The following FAM13A variants were observed in gnomAD, a reference collection of about 807,000 sequenced individuals.
The protein encoded by FAM13A is family with sequence similarity 13 member A.
In FAM13A, 76 loss-of-function variants were observed where a neutral mutation model predicts 129.6. The observed-to-expected ratio is 0.59, with a 90% CI of 0.49 to 0.71. The LOEUF (loss-of-function observed/expected upper bound fraction) is 0.71. Among genes scored for constraint, FAM13A ranks in the 30% least tolerant of loss-of-function variants. The pLI, the probability that FAM13A is intolerant of heterozygous loss-of-function variation, is 0.00. For synonymous variants in FAM13A, 443 were observed against 449.9 expected, an observed-to-expected ratio of 0.98 and a Z score of 0.20; for missense variants, 1,108 against 1,249.3, an observed-to-expected ratio of 0.89 and a Z score of 1.70.
At chr4:88,826,621 A>G (rs1171720478) in intron 7 of FAM13A, among the ~76,000 whole-genome samples, 1 of 152,098 alleles carries the variant, frequency 6.6e-6, no homozygotes, top group Non-Finnish European at 1.5e-5. Flanking sequence ...TCTCTCACTC[A>G]CTAATTATTT....
chr4:88,766,172 G>A (rs1294889017), intron 13 of FAM13A, among the ~76,000 whole-genome samples: 4 of 152,226 alleles, frequency 2.6e-5, no homozygotes, highest in African/African-American at 7.2e-5. Context: ...GACTGGCAAA[G>A]CGATTTTCTT....
chr4:89,049,683 G>A (rs534381499), intron 1 of FAM13A, among the ~76,000 whole-genome samples: 27 of 152,208 alleles, frequency 1.8e-4, no homozygotes, highest in African/African-American at 6.3e-4. Flanking sequence ...TTGAGATGGA[G>A]TCTTGCACTG....
chr4:88,801,276 C>A (rs4693969), intron 8 of FAM13A, among the ~76,000 whole-genome samples: 8 of 152,178 alleles, frequency 5.3e-5, no homozygotes, highest in Admixed American at 2.0e-4. Flanking sequence ...CTGAGAAAAT[C>A]GATAGTTCCC....
At chr4:88,777,934 T>C (rs1046256272) in intron 11 of FAM13A, among the ~76,000 whole-genome samples, 6 of 152,342 alleles carry the variant, frequency 3.9e-5, no homozygotes, top group East Asian at 1.9e-4. Context: ...CCTTGGTTAC[T>C]TGGCTTCTAA....
chr4:88,881,563 C>A (rs530557359), intron 6 of FAM13A, among the ~76,000 whole-genome samples: 6 of 152,070 alleles, frequency 3.9e-5, no homozygotes, highest in Non-Finnish European at 8.8e-5. Context: ...TATAACAACA[C>A]GAGGTTCTTT....
intron 7 of FAM13A, among the ~76,000 whole-genome samples, chr4:88,806,232 T>C (rs771895503): frequency 5.3e-5 from 8 of 152,146 alleles, no homozygotes; most frequent in Admixed American, 1.3e-4. Context: ...AGATAAAGTA[T>C]TAAATAAAAT....
chr4:88,866,405 C>T (rs893570983), intron 6 of FAM13A, among the ~76,000 whole-genome samples: 18 of 152,166 alleles, frequency 1.2e-4, no homozygotes, highest in Admixed American at 1.0e-3. Context: ...TGGTCTAGAA[C>T]TCCTGACCTC....
intron 5 of FAM13A, among the ~76,000 whole-genome samples, chr4:88,920,709 T>C (rs999260417): frequency 1.1e-4 from 17 of 152,220 alleles, no homozygotes; most frequent in African/African-American, 3.1e-4. Context: ...GAGAACAACT[T>C]TGACGAGTTG....
rs538937918 is a variant in FAM13A, at chr4:89,014,466, G to C, written c.427+5994C>G. Reference sequence around the variant, plus strand: ...CTGGGTCTTCAATTAGAAGTTTGGTGATGTTTTTGTAACCAGAATCATGCC... The same window carrying C: ...CTGGGTCTTCAATTAGAAGTTTGGTCATGTTTTTGTAACCAGAATCATGCC... On this transcript the variant is annotated intron_variant, in intron 3 of 23. Transcript: ENST00000264344. Among the ~76,000 whole-genome samples the C allele has an allele frequency of 1.5e-4, 23 of 152,318 alleles. No individual in the cohort carries two copies. In the East Asian group the frequency reaches 3.9e-3, roughly 26 times the overall value.
intron 9 of FAM13A, among the ~76,000 whole-genome samples, chr4:88,789,774 A>T (rs1476734115): frequency 1.3e-5 from 2 of 152,170 alleles, no homozygotes; most frequent in African/African-American, 4.8e-5. Context: ...ATGGGTAGTT[A>T]GGAATAGAAT....
intron 10 of FAM13A, among the ~76,000 whole-genome samples, chr4:88,782,621 T>C (rs558950352): frequency 6.6e-6 from 1 of 152,340 alleles, no homozygotes; most frequent in African/African-American, 2.4e-5. Context: ...TTTTCAAAGT[T>C]ATACTATCTT....
chr4:88,821,243 G>T (rs1464322323), intron 7 of FAM13A, among the ~76,000 whole-genome samples: 1 of 152,188 alleles, frequency 6.6e-6, no homozygotes, highest in Non-Finnish European at 1.5e-5. Context: ...GGTACAGGCT[G>T]GCAGTAAAGA....
intron 4 of FAM13A, among the ~76,000 whole-genome samples, chr4:88,982,210 T>C (rs929092772): frequency 6.6e-6 from 1 of 152,208 alleles, no homozygotes; most frequent in Non-Finnish European, 1.5e-5. Flanking sequence ...TTCCATTAAA[T>C]ATTAACAAGC....
At chr4:88,798,082 C>A (rs1408905161) in intron 8 of FAM13A, among the ~76,000 whole-genome samples, 5 of 152,104 alleles carry the variant, frequency 3.3e-5, no homozygotes, top group African/African-American at 1.2e-4. Flanking sequence ...TATAATTGTC[C>A]ACTTGGCTGT....
intron 7 of FAM13A, chr4:88,823,382 C>T: frequency 7.3e-6 from 7 of 952,674 alleles, no homozygotes; most frequent in Non-Finnish European, 8.9e-6. Flanking sequence ...CCTCCTCTTC[C>T]TCCTCCTCCT....
At chr4:88,869,242 A>G (rs936560252) in intron 6 of FAM13A, among the ~76,000 whole-genome samples, 6 of 152,220 alleles carry the variant, frequency 3.9e-5, no homozygotes. Context: ...TATATTCACC[A>G]TACAGAAGCC....
intron 6 of FAM13A, among the ~76,000 whole-genome samples, chr4:88,883,337 A>G (rs940818652): frequency 1.3e-5 from 2 of 152,150 alleles, no homozygotes; most frequent in African/African-American, 4.8e-5. Flanking sequence ...GTGGAATAAA[A>G]TTGGAAATCA....
At chr4:89,042,648 A>G (rs1270116525) in intron 1 of FAM13A, among the ~76,000 whole-genome samples, 1 of 152,176 alleles carries the variant, frequency 6.6e-6, no homozygotes, top group Non-Finnish European at 1.5e-5. Context: ...ATTCTCAAAG[A>G]GGTCTATGAT....
intron 5 of FAM13A, among the ~76,000 whole-genome samples, chr4:88,935,390 C>A (rs1173946156): frequency 6.6e-6 from 1 of 152,132 alleles, no homozygotes. Context: ...ATGTTTAGTC[C>A]TTTTCCCCAC....
Sources: gnomAD v4.1 joint callset for allele counts (sites outside exome capture counted in the v4.1 genomes callset) on GRCh38, gnomAD v4.1.1 for gene constraint, MANE v1.5 for transcripts, NCBI Gene and HGNC (gene_info 2026-07-23, HGNC 2026-07-21) for gene names.